Variants in COA1 observed in about 807,000 individuals in gnomAD.
COA1 encodes the protein cytochrome c oxidase assembly factor 1, also known as cytochrome c oxidase assembly factor 1 homolog.
In COA1, 13 loss-of-function variants were observed where a neutral mutation model predicts 16.0. That is an observed-to-expected ratio of 0.81 (90% CI 0.53 to 1.29). COA1 has a LOEUF of 1.29. Among genes scored for constraint, COA1 ranks in the 50% most tolerant of loss-of-function variants. The pLI, the probability that COA1 is intolerant of heterozygous loss-of-function variation, is 0.00. For synonymous variants in COA1, 65 were observed against 65.7 expected (o/e 0.99, Z 0.05); for missense variants, 179 against 177.0 (o/e 1.01, Z -0.06).
intron 1 of COA1, among the ~76,000 whole-genome samples, chr7:43,686,107 AAAAC>A (rs1188997335): frequency 1.3e-5 from 2 of 152,262 alleles, no homozygotes; most frequent in African/African-American, 4.8e-5. Context: ...ATAATTTTAA[AAAAC>A]AAAAACTGCT....
At chr7:43,623,891 A>G (rs1032123364) in intron 6 of COA1, 2 of 1,508,118 alleles carry the variant, frequency 1.3e-6, no homozygotes, top group African/African-American at 1.4e-5. Flanking sequence ...AAACCTGAGT[A>G]AGTATTATTT....
chr7:43,718,364 T>C (rs2095437275), intron 1 of COA1, among the ~76,000 whole-genome samples: 1 of 152,234 alleles, frequency 6.6e-6, no homozygotes, highest in South Asian at 2.1e-4. Context: ...TTTTAGTCGG[T>C]GTCAGCATGT....
chr7:43,713,207 CT>C (rs2095304024), intron 1 of COA1, among the ~76,000 whole-genome samples: 1 of 152,162 alleles, frequency 6.6e-6, no homozygotes, highest in Non-Finnish European at 1.5e-5. Context: ...CCACCTTGGC[CT>C]CCCAAAGTGC....
At chr7:43,635,982 A>G (rs533104936), downstream of COA1, among the ~76,000 whole-genome samples, 52 of 152,306 alleles carry the variant, frequency 3.4e-4, no homozygotes, top group African/African-American at 1.1e-3. Context: ...ATGTGATCTG[A>G]TAAGTCAATT....
At chr7:43,647,310 A>G (rs1026794327) in intron 3 of COA1, 1 of 560,854 alleles carries the variant, frequency 1.8e-6, no homozygotes, top group Non-Finnish European at 3.2e-6. Context: ...TGGGCTTCTT[A>G]TGCATATTAG....
At chr7:43,694,253 A>T in intron 1 of COA1, among the ~76,000 whole-genome samples, 1 of 139,756 alleles carries the variant, frequency 7.2e-6, no homozygotes. Context: ...AATAGCTCCC[A>T]TCTTTAAAAA....
At chr7:43,682,267 T>G (rs970028039) in intron 1 of COA1, among the ~76,000 whole-genome samples, 1 of 152,224 alleles carries the variant, frequency 6.6e-6, no homozygotes, top group African/African-American at 2.4e-5. Context: ...ATGTAGTAAG[T>G]AGTTAGTAGA....
At chr7:43,718,970 TAC>T (rs1255915040) in intron 1 of COA1, among the ~76,000 whole-genome samples, 1 of 85,850 alleles carries the variant, frequency 1.2e-5, no homozygotes, top group Non-Finnish European at 2.1e-5. Flanking sequence ...ACCAGGAATC[TAC>T]ATTTTTTTTT....
intron 1 of COA1, chr7:43,650,635 A>G (rs1248840576): frequency 6.6e-6 from 1 of 152,168 alleles, no homozygotes; most frequent in Non-Finnish European, 1.5e-5. Flanking sequence ...GGAAGACAAC[A>G]GCTGCTAACA....
At chr7:43,656,040 C>T (rs1185904100) in intron 1 of COA1, 1 of 152,238 alleles carries the variant, frequency 6.6e-6, no homozygotes, top group Non-Finnish European at 1.5e-5. Flanking sequence ...TACCAAGGCA[C>T]TAGCCATGTG....
intron 6 of COA1, among the ~76,000 whole-genome samples, chr7:43,617,396 C>T (rs1583691212): frequency 6.6e-6 from 1 of 152,252 alleles, no homozygotes; most frequent in Non-Finnish European, 1.5e-5. Context: ...CTTTAATTTT[C>T]CGTAGATGGA....
intron 6 of COA1, among the ~76,000 whole-genome samples, chr7:43,630,017 G>A (rs2085007218): frequency 6.6e-6 from 1 of 152,160 alleles, no homozygotes; most frequent in Non-Finnish European, 1.5e-5. Flanking sequence ...TGTGCTGCCT[G>A]TTTGGTGAGG....
At chr7:43,655,416 C>T (rs1386230354) in intron 1 of COA1, among the ~76,000 whole-genome samples, 20 of 152,090 alleles carry the variant, frequency 1.3e-4, no homozygotes, top group Admixed American at 1.2e-3. Context: ...TTTGGGAGGC[C>T]GAGGCAGGCA....
chr7:43,710,083 C>T (rs1181583), intron 1 of COA1, among the ~76,000 whole-genome samples: 122,727 of 151,798 alleles, frequency 0.81, 49,837 homozygotes, highest in African/African-American at 0.87. Context: ...GATGCGGTGG[C>T]GCACACCTGT....
At chr7:43,679,753 G>A (rs1346384215) in intron 1 of COA1, among the ~76,000 whole-genome samples, 1 of 152,142 alleles carries the variant, frequency 6.6e-6, no homozygotes, top group Non-Finnish European at 1.5e-5. Context: ...GGATAGTGGA[G>A]TATGCAAGAA....
chr7:43,724,445 G>T (rs919978260), intron 1 of COA1, among the ~76,000 whole-genome samples: 2 of 151,970 alleles, frequency 1.3e-5, no homozygotes, highest in Non-Finnish European at 2.9e-5. Flanking sequence ...CCAGCTACTC[G>T]AGAGGCTGAG....
At chr7:43,625,426 AT>A (rs1278355253) in intron 6 of COA1, 1 of 152,200 alleles carries the variant, frequency 6.6e-6, no homozygotes, top group African/African-American at 2.4e-5. Context: ...TTTTGCCTAA[AT>A]ACTAGTAACA....
intron 1 of COA1, among the ~76,000 whole-genome samples, chr7:43,723,522 G>A (rs967515856): frequency 7.2e-5 from 11 of 151,984 alleles, no homozygotes; most frequent in East Asian, 1.9e-4. Flanking sequence ...GTATGATACC[G>A]GAATAATTCA....
chr7:43,617,509 G>T (rs1339258122), intron 6 of COA1, among the ~76,000 whole-genome samples: 1 of 152,108 alleles, frequency 6.6e-6, no homozygotes, highest in African/African-American at 2.4e-5. Flanking sequence ...GAATGGCCAA[G>T]ATGATTGTTA....
Sources: gnomAD v4.1 joint callset for allele counts (sites outside exome capture counted in the v4.1 genomes callset) on GRCh38, gnomAD v4.1.1 for gene constraint, MANE v1.5 for transcripts, NCBI Gene and HGNC (gene_info 2026-07-23, HGNC 2026-07-21) for gene names.